The following RCAN1 variants were observed in gnomAD, a reference collection of about 807,000 sequenced individuals.
The protein encoded by RCAN1 is calcipressin-1.
A neutral mutation model predicts 22.9 loss-of-function variants in RCAN1; 11 were observed. That is an observed-to-expected ratio of 0.48 (90% CI 0.30 to 0.79). RCAN1 has a LOEUF of 0.79. Among genes scored for constraint, RCAN1 ranks in the 30% least tolerant of loss-of-function variants. The pLI is 0.06. For synonymous variants in RCAN1, 136 were observed against 142.3 expected (o/e 0.96, Z 0.32); for missense variants, 291 against 337.8 (o/e 0.86, Z 1.09).
chr21:34,557,376 A>G (rs1986620462), intron 1 of RCAN1, among the ~76,000 whole-genome samples: 1 of 152,214 alleles, frequency 6.6e-6, no homozygotes, highest in South Asian at 2.1e-4. Context: ...CATAATTCCC[A>G]CAACGCCCCA....
At chr21:34,520,871 C>G (rs1485181353) in intron 3 of RCAN1, among the ~76,000 whole-genome samples, 1 of 152,334 alleles carries the variant, frequency 6.6e-6, no homozygotes, top group East Asian at 1.9e-4. Flanking sequence ...ACATTTTGGA[C>G]AAAGAGCCTG....
intron 1 of RCAN1, among the ~76,000 whole-genome samples, chr21:34,580,292 G>C (rs563903239): frequency 6.6e-6 from 1 of 152,312 alleles, no homozygotes; most frequent in African/African-American, 2.4e-5. Flanking sequence ...AGCTAAACCT[G>C]CTGGCATTCA....
intron 1 of RCAN1, among the ~76,000 whole-genome samples, chr21:34,555,536 A>G (rs1052146188): frequency 2.7e-5 from 4 of 150,054 alleles, no homozygotes; most frequent in African/African-American, 9.9e-5. Flanking sequence ...TTGTGCCACT[A>G]CACTCCAGCC....
chr21:34,517,203 C>G lies in RCAN1; in HGVS notation c.*881G>C, dbSNP rs1484852231. ...TTTGGCTATGATTCATGTATAGAAACCACCACATAAAAGAAACAACAGAAA... is the reference window on the plus strand; with the variant it reads ...TTTGGCTATGATTCATGTATAGAAAGCACCACATAAAAGAAACAACAGAAA... On this transcript the variant is annotated 3_prime_UTR_variant, in exon 4 of 4. Coordinates refer to ENST00000313806, the MANE Select transcript of RCAN1 (RefSeq NM_004414.7). The G allele has an allele frequency of 6.6e-6, 1 of 152,216 alleles. No individual in the cohort carries two copies. The highest frequency in any genetic ancestry group is 1.5e-5 in the Non-Finnish European group (1 of 68,040). The allele number at this position is 152,216 out of a possible 1,614,324, so 9.4% of individuals were successfully genotyped here. A position where few individuals can be genotyped will look rare whatever the true frequency, so the allele number is the denominator to read the frequency against.
chr21:34,597,725 T>C (rs1253636232), intron 1 of RCAN1, among the ~76,000 whole-genome samples: 1 of 152,160 alleles, frequency 6.6e-6, no homozygotes, highest in Non-Finnish European at 1.5e-5. Context: ...TTTGAAGTAT[T>C]ATAAACAAGA....
At chr21:34,613,578 A>G (rs938979387) in intron 1 of RCAN1, among the ~76,000 whole-genome samples, 1 of 152,206 alleles carries the variant, frequency 6.6e-6, no homozygotes, top group Admixed American at 6.5e-5. Flanking sequence ...GACAGCCTAG[A>G]ACTCCTAAGG....
At chr21:34,566,566 G>A (rs1416449653) in intron 1 of RCAN1, among the ~76,000 whole-genome samples, 2 of 152,082 alleles carry the variant, frequency 1.3e-5, no homozygotes, top group Non-Finnish European at 2.9e-5. Flanking sequence ...CTGAAAAAAA[G>A]GGGCAGAGGA....
chr21:34,542,997 C>T (rs769640896), intron 1 of RCAN1, among the ~76,000 whole-genome samples: 5 of 152,224 alleles, frequency 3.3e-5, no homozygotes, highest in Non-Finnish European at 5.9e-5. Flanking sequence ...GTCCCATGTG[C>T]TTCAGATTCT....
At chr21:34,541,552 C>T (rs1204980510) in intron 1 of RCAN1, among the ~76,000 whole-genome samples, 1 of 152,130 alleles carries the variant, frequency 6.6e-6, no homozygotes, top group Non-Finnish European at 1.5e-5. Context: ...TATTTTTTTG[C>T]ATGGCATTGG....
In RCAN1 at chr21:34,521,626, C is replaced by G. The variant is rs187032984; in HGVS notation, c.459G>C (p.Pro153=). ...TLHIGSSHLA[P]PNPDKQFLIS... ...TCAGAAACTGCTTGTCTGGATTTGG[C>G]GGAGCCAGGTGTGAGCTTCCTATGT... The change falls in exon 3 of 4, where the codon CCG becomes CCC. Residue 153 remains proline (P), a synonymous_variant. Transcript: ENST00000313806. 5 of 1,613,156 alleles carry G rather than the reference C, an allele frequency of 3.1e-6. No individual in the cohort carries two copies. Among genetic ancestry groups the G allele is most frequent in the Non-Finnish European group, 4.2e-6 (5 of 1,179,614 alleles).
chr21:34,562,081 T>A (rs2123665550), intron 1 of RCAN1, among the ~76,000 whole-genome samples: 1 of 152,326 alleles, frequency 6.6e-6, no homozygotes, highest in Non-Finnish European at 1.5e-5. Flanking sequence ...ATACTTTCTG[T>A]GAGGTCATAC....
intron 1 of RCAN1, among the ~76,000 whole-genome samples, chr21:34,569,939 G>A (rs138246380): frequency 1.5e-4 from 23 of 152,336 alleles, no homozygotes; most frequent in Non-Finnish European, 2.9e-4. Flanking sequence ...AAGGGGCTTC[G>A]GGTGGGGTTT....
At chr21:34,520,409 C>CA (rs1984420560) in intron 3 of RCAN1, among the ~76,000 whole-genome samples, 1 of 152,174 alleles carries the variant, frequency 6.6e-6, no homozygotes, top group South Asian at 2.1e-4. Flanking sequence ...CACGCTTCCT[C>CA]AAAATGGCCA....
At chr21:34,536,575 C>T (rs1985680431) in intron 1 of RCAN1, among the ~76,000 whole-genome samples, 1 of 152,148 alleles carries the variant, frequency 6.6e-6, no homozygotes, top group African/African-American at 2.4e-5. Context: ...GCCTGGAAAA[C>T]CTTTTCCTTC....
intron 1 of RCAN1, among the ~76,000 whole-genome samples, chr21:34,597,226 C>T (rs73192810): frequency 0.059 from 8,923 of 152,202 alleles, 398 homozygotes; most frequent in Non-Finnish European, 0.089. Context: ...AAACACTCCT[C>T]GGTAGTACTA....
At chr21:34,612,297 C>T (rs995943027) in intron 1 of RCAN1, among the ~76,000 whole-genome samples, 17 of 152,204 alleles carry the variant, frequency 1.1e-4, no homozygotes, top group Admixed American at 1.1e-3. Context: ...CCAACCTCAG[C>T]TACCAATCGC....
At chr21:34,589,682 G>A (rs1987907616) in intron 1 of RCAN1, among the ~76,000 whole-genome samples, 1 of 149,732 alleles carries the variant, frequency 6.7e-6, no homozygotes, top group Non-Finnish European at 1.5e-5. Flanking sequence ...CTGGGGGCCT[G>A]AAGAGAACAA....
At chr21:34,560,203 C>T (rs1488920473) in intron 1 of RCAN1, 2 of 152,186 alleles carry the variant, frequency 1.3e-5, no homozygotes, top group Non-Finnish European at 2.9e-5. Flanking sequence ...CTGGTTTAGT[C>T]TGACGGGGTT....
chr21:34,566,649 G>C (rs779219497), intron 1 of RCAN1, among the ~76,000 whole-genome samples: 15 of 152,172 alleles, frequency 9.9e-5, no homozygotes, highest in Non-Finnish European at 1.8e-4. Flanking sequence ...GGTCCCTGCT[G>C]TGTTGCTCTC....
Sources: allele counts gnomAD v4.1 joint callset (sites outside exome capture counted in the v4.1 genomes callset), GRCh38; gene constraint gnomAD v4.1.1; transcripts MANE v1.5; gene names NCBI Gene and HGNC (gene_info 2026-07-23, HGNC 2026-07-21).